RBFOX1: variants seen among roughly 807,000 people sequenced by gnomAD.
The protein encoded by RBFOX1 is RNA binding protein fox-1 homolog 1.
A neutral mutation model predicts 57.7 loss-of-function variants in RBFOX1; 8 were observed. The observed-to-expected ratio is 0.14, with a 90% CI of 0.08 to 0.25. The LOEUF is 0.25. Ranked by LOEUF, RBFOX1 falls within the 10% of genes least tolerant of loss-of-function variation. The pLI is 1.00. For missense variants in RBFOX1, 611 were observed against 548.5 expected (o/e 1.11, Z -1.14); for synonymous variants, 326 against 222.4 (o/e 1.47, Z -4.15).
chr16:6,299,372 C>G (rs1258198660), intron 1 of RBFOX1, among the ~76,000 whole-genome samples: 2 of 152,024 alleles, frequency 1.3e-5, no homozygotes, highest in Non-Finnish European at 1.5e-5. Context: ...TTCATCAATT[C>G]ATGTAATTCT....
At chr16:5,742,281 T>C in intron 3 of RBFOX1, among the ~76,000 whole-genome samples, 1 of 140,560 alleles carries the variant, frequency 7.1e-6, no homozygotes, top group African/African-American at 2.6e-5. Context: ...TCTTCCTCCC[T>C]CCCTCCCTTC....
intron 4 of RBFOX1, among the ~76,000 whole-genome samples, chr16:7,081,676 TTTA>T (rs2059225165): frequency 1.3e-5 from 2 of 152,224 alleles, no homozygotes; most frequent in African/African-American, 2.4e-5. Context: ...AAGTGATAGT[TTTA>T]TTATTGTCTA....
intron 4 of RBFOX1, among the ~76,000 whole-genome samples, chr16:5,885,117 T>C (rs2057866053): frequency 6.6e-6 from 1 of 152,144 alleles, no homozygotes; most frequent in African/African-American, 2.4e-5. Context: ...CCCAGACCTC[T>C]TAACCTTTCC....
At chr16:5,960,101 C>G (rs184136621) in intron 4 of RBFOX1, among the ~76,000 whole-genome samples, 1 of 151,850 alleles carries the variant, frequency 6.6e-6, no homozygotes, top group South Asian at 2.1e-4. Flanking sequence ...CTTAGGAGGC[C>G]GAGACAGGAG....
intron 2 of RBFOX1, among the ~76,000 whole-genome samples, chr16:5,587,667 C>G (rs544713624): frequency 1.3e-5 from 2 of 152,158 alleles, no homozygotes; most frequent in Non-Finnish European, 2.9e-5. Flanking sequence ...GAGCCAAGAT[C>G]GCGGCACTGT....
intron 14 of RBFOX1, 140 bp from the exon 15 acceptor site, chr16:7,708,916 T>C (rs1598672476): frequency 4.3e-6 from 3 of 705,128 alleles, no homozygotes; most frequent in East Asian, 5.4e-5. Context: ...CTTCTTATAC[T>C]ACACAGCAGA....
chr16:7,546,226 C>G (rs756562506), intron 5 of RBFOX1, among the ~76,000 whole-genome samples: 39 of 151,842 alleles, frequency 2.6e-4, no homozygotes, highest in Non-Finnish European at 5.1e-4. Flanking sequence ...ACTTAGGAGC[C>G]TGAGGTGGGA....
chr16:7,567,471 ATCCCTATGTATGGCCC>A (rs2092095195), intron 5 of RBFOX1, among the ~76,000 whole-genome samples: 1 of 54,516 alleles, frequency 1.8e-5, no homozygotes, highest in Non-Finnish European at 4.4e-5. Context: ...CTATATATAT[ATCCCTATGTATGGCCC>A]TATATGTATA....
intron 1 of RBFOX1, among the ~76,000 whole-genome samples, chr16:5,347,689 C>T (rs1303862334): frequency 1.4e-5 from 2 of 148,066 alleles, no homozygotes; most frequent in East Asian, 2.1e-4. Context: ...ATCATGCACT[C>T]TCCTACCCTT....
At chr16:5,547,048 A>G (rs1227484754) in intron 2 of RBFOX1, among the ~76,000 whole-genome samples, 1 of 152,232 alleles carries the variant, frequency 6.6e-6, no homozygotes, top group Non-Finnish European at 1.5e-5. Context: ...GACCACAATG[A>G]GATACCATTA....
chr16:6,619,159 C>T (rs1261086551), intron 2 of RBFOX1, among the ~76,000 whole-genome samples: 1 of 145,456 alleles, frequency 6.9e-6, no homozygotes, highest in Non-Finnish European at 1.5e-5. Flanking sequence ...CATGTTCCAG[C>T]CAGGAAGGAG....
At chr16:6,748,317 A>G (rs2074209813) in intron 3 of RBFOX1, among the ~76,000 whole-genome samples, 1 of 152,080 alleles carries the variant, frequency 6.6e-6, no homozygotes, top group Non-Finnish European at 1.5e-5. Flanking sequence ...ACACACATAT[A>G]TACGTACACA....
intron 2 of RBFOX1, among the ~76,000 whole-genome samples, chr16:6,550,477 C>T (rs2096969875): frequency 6.6e-6 from 1 of 152,150 alleles, no homozygotes; most frequent in African/African-American, 2.4e-5. Flanking sequence ...AGGCGTCTGC[C>T]ACCATGCCCA....
chr16:6,903,782 C>A (rs984716633), intron 3 of RBFOX1, among the ~76,000 whole-genome samples: 1 of 152,158 alleles, frequency 6.6e-6, no homozygotes, highest in African/African-American at 2.4e-5. Context: ...CCTTTCGGAG[C>A]TGCCGCTGCT....
At chr16:6,154,926 A>G (rs2096828051) in intron 1 of RBFOX1, among the ~76,000 whole-genome samples, 1 of 152,256 alleles carries the variant, frequency 6.6e-6, no homozygotes, top group Non-Finnish European at 1.5e-5. Flanking sequence ...TCAATTAGCA[A>G]GCAACTATAT....
At chr16:6,946,717 C>T (rs1284408615) in intron 3 of RBFOX1, among the ~76,000 whole-genome samples, 1 of 152,162 alleles carries the variant, frequency 6.6e-6, no homozygotes, top group South Asian at 2.1e-4. Flanking sequence ...ATCCTCTTGC[C>T]TGAGTCTCCC....
intron 2 of RBFOX1, among the ~76,000 whole-genome samples, chr16:6,505,630 A>G (rs1409805415): frequency 1.3e-5 from 2 of 152,198 alleles, no homozygotes; most frequent in African/African-American, 2.4e-5. Context: ...TATTGATTTA[A>G]TCCTCAAGAA....
intron 1 of RBFOX1, among the ~76,000 whole-genome samples, chr16:6,209,717 T>C (rs1336002516): frequency 1.3e-5 from 2 of 152,180 alleles, no homozygotes; most frequent in Non-Finnish European, 2.9e-5. Flanking sequence ...GGGCAAGCCA[T>C]TGTCACTGGA....
chr16:5,608,866 G>C (rs1160821285), intron 3 of RBFOX1, among the ~76,000 whole-genome samples: 1 of 152,184 alleles, frequency 6.6e-6, no homozygotes, highest in Admixed American at 6.5e-5. Flanking sequence ...GGTCCCTTCT[G>C]AAATGCATCT....
Sources: gnomAD v4.1 joint callset for allele counts (sites outside exome capture counted in the v4.1 genomes callset) on GRCh38, gnomAD v4.1.1 for gene constraint, MANE v1.5 for transcripts, NCBI Gene and HGNC (gene_info 2026-07-23, HGNC 2026-07-21) for gene names.